PPP2R1B: variants seen among roughly 807,000 people sequenced by gnomAD.
The protein encoded by PPP2R1B is protein phosphatase 2 scaffold subunit Abeta.
In PPP2R1B, 58 loss-of-function variants were observed where a neutral mutation model predicts 72.7. The ratio of observed to expected loss-of-function variants is 0.80; its 90% CI spans 0.65 to 0.99. The LOEUF (loss-of-function observed/expected upper bound fraction) is 0.99, where lower values mean the gene tolerates loss of function less well. Ranked by LOEUF, PPP2R1B falls within the 50% of genes least tolerant of loss-of-function variation. The pLI is 0.00. For missense variants in PPP2R1B, 695 were observed against 733.6 expected (o/e 0.95, Z 0.61); for synonymous variants, 256 against 264.6 (o/e 0.97, Z 0.32).
chr11:111,707,652 T>C, the PPP2R1B span, among the ~76,000 whole-genome samples: 1 of 152,326 alleles, frequency 6.6e-6, no homozygotes, highest in South Asian at 2.1e-4. Flanking sequence ...TAGACTTCTG[T>C]TTTTATGGAT....
chr11:111,708,243 A>G, the PPP2R1B span, among the ~76,000 whole-genome samples: 1 of 152,082 alleles, frequency 6.6e-6, no homozygotes, highest in African/African-American at 2.4e-5. Context: ...TTAGCCGGTT[A>G]TGGTAGTGCG....
At chr11:111,742,180 T>G in intron 13 of PPP2R1B, 36 bp from the exon 14 acceptor site, 1 of 1,500,582 alleles carries the variant, frequency 6.7e-7, no homozygotes, top group Non-Finnish European at 9.3e-7. Flanking sequence ...AAAGACAGTC[T>G]AATGGGCCAT....
At chr11:111,715,795 T>G in the PPP2R1B span, among the ~76,000 whole-genome samples, 5 of 77,614 alleles carry the variant, frequency 6.4e-5, no homozygotes, top group Non-Finnish European at 1.5e-4. Context: ...ATTTTTAGCT[T>G]TTTTTTTTTT....
Position 111,741,625 on chromosome 11 carries a change from A to C in PPP2R1B, c.1790-13T>G. On this transcript the variant is annotated splice_polypyrimidine_tract_variant and intron_variant, in intron 14 of 14. Transcript: ENST00000527614. ...GCCAATGCAAGAACTGGAAAATTCC[A>C]AACAAAATCAGGTTAGTGGTACAGA... is the stretch of plus-strand genomic sequence containing the variant. 6.2e-7 allele frequency: 1 copy of C among 1,613,290 alleles called. No homozygotes were observed. Among genetic ancestry groups the C allele is most frequent in the Non-Finnish European group, 8.5e-7 (1 of 1,179,806 alleles).
intron 10 of PPP2R1B, 111 bp from the exon 11 acceptor site, chr11:111,748,125 TAAAC>T (rs1405063262): frequency 1.8e-5 from 15 of 844,762 alleles, no homozygotes; most frequent in East Asian, 5.2e-5. Context: ...TGTTTCCAAA[TAAAC>T]AAATAAGAGA....
At chr11:111,700,333 A>C in the PPP2R1B span, among the ~76,000 whole-genome samples, 1 of 152,210 alleles carries the variant, frequency 6.6e-6, no homozygotes, top group Non-Finnish European at 1.5e-5. Flanking sequence ...TTAATGAGCT[A>C]TTCAGATGGT....
In PPP2R1B at chr11:111,738,632, G is replaced by A. The variant is rs1043561754; in HGVS notation, c.*2964C>T. On this transcript the variant is annotated 3_prime_UTR_variant, in exon 15 of 15. Transcript: ENST00000527614. Reference sequence around the variant, plus strand: ...GGCTCTGCATCACAGTGGCTGAGCTGTGGTATTTCTGTGAGCTGAGGGCAG... The same window carrying A: ...GGCTCTGCATCACAGTGGCTGAGCTATGGTATTTCTGTGAGCTGAGGGCAG... 6.1e-6 allele frequency: 6 copies of A among 985,292 alleles called. 1 individual carries two copies. In the South Asian group the frequency reaches 1.9e-4, roughly 31 times the overall value. 61.0% of individuals were successfully genotyped at this position (985,292 alleles called of 1,614,324 possible).
At chr11:111,752,045 AC>A in intron 10 of PPP2R1B, 113 bp downstream of exon 10, 1 of 1,157,160 alleles carries the variant, frequency 8.6e-7, no homozygotes, top group Non-Finnish European at 1.2e-6. Flanking sequence ...ACAAGGCCAT[AC>A]TTTCATGCAT....
intron 1 of PPP2R1B, chr11:111,765,788 C>T (rs1302135923): frequency 4.2e-6 from 2 of 474,472 alleles, no homozygotes; most frequent in Admixed American, 2.3e-5. Flanking sequence ...ATCCCACCCC[C>T]GCTTTCTACC....
At position 111,743,505 on chromosome 11, in the gene PPP2R1B, G is replaced by C; in HGVS notation, c.1425C>G (p.Thr475=). ...TCTGAACTAGTTTCATGAGGTTGTT[G>C]GTGGCAGCTTCTCGGATGGCGTATA... ...DHVYAIREAA[T]NNLMKLVQKF... The change falls in exon 12 of 15, where the codon ACC becomes ACG. Residue 475 remains threonine, a synonymous_variant. Coordinates refer to ENST00000527614, the MANE Select transcript of PPP2R1B (RefSeq NM_002716.5). 1 of 1,613,494 alleles carries C rather than the reference G, an allele frequency of 6.2e-7. No individual in the cohort carries two copies. Among genetic ancestry groups the C allele is most frequent in the Non-Finnish European group, 8.5e-7 (1 of 1,179,844 alleles).
At chr11:111,703,436 GA>G in the PPP2R1B span, 3 of 1,611,856 alleles carry the variant, frequency 1.9e-6, no homozygotes, top group Non-Finnish European at 2.5e-6. Context: ...AAAGTGATCA[GA>G]GATTTCGGGG....
At chr11:111,704,569 GT>G in the PPP2R1B span, among the ~76,000 whole-genome samples, 1 of 152,186 alleles carries the variant, frequency 6.6e-6, no homozygotes, top group Non-Finnish European at 1.5e-5. Flanking sequence ...TCACTTCAGA[GT>G]TTTCAGTGGT....
At chr11:111,766,195 T>C (rs1373139842) in intron 1 of PPP2R1B, 53 bp downstream of exon 1, 1 of 1,584,276 alleles carries the variant, frequency 6.3e-7, no homozygotes. Context: ...TTCCCCCTTC[T>C]CTACCACGCG....
chr11:111,742,778 G>T, intron 12 of PPP2R1B, 113 bp from the exon 13 acceptor site: 1 of 1,035,810 alleles, frequency 9.7e-7, no homozygotes, highest in Non-Finnish European at 1.3e-6. Flanking sequence ...AATATTTCTA[G>T]TTTGAGCAGC....
the PPP2R1B span, among the ~76,000 whole-genome samples, chr11:111,688,690 C>T: frequency 6.6e-6 from 1 of 152,256 alleles, no homozygotes; most frequent in Admixed American, 6.5e-5. The surrounding 1 kb of genome is among the most constrained non-coding windows in gnomAD (Gnocchi z 4.2). Context: ...TGTTTTTCTC[C>T]TTGCCTTTTC....
At chr11:111,762,385 C>G (rs1945359206) in intron 3 of PPP2R1B, among the ~76,000 whole-genome samples, 1 of 152,126 alleles carries the variant, frequency 6.6e-6, no homozygotes, top group Non-Finnish European at 1.5e-5. Flanking sequence ...TGTCCCCTGC[C>G]TACTGTAACC....
chr11:111,704,897 CA>C, the PPP2R1B span: 16 of 1,415,182 alleles, frequency 1.1e-5, no homozygotes, highest in Admixed American at 2.8e-5. Flanking sequence ...TAAGAGCACA[CA>C]ATTTCTTTCC....
chr11:111,765,014 C>T lies in PPP2R1B; in HGVS notation c.206-109G>A. 3.4e-6 allele frequency: 5 copies of T among 1,490,524 alleles called. No homozygotes were observed. The South Asian group carries it at 6.5e-5, about 19-fold the overall frequency. 92.3% of individuals were successfully genotyped at this position (1,490,524 alleles called of 1,614,324 possible). A position where few individuals can be genotyped will look rare whatever the true frequency, so the allele number is the denominator to read the frequency against. ...TATGCGACCAGGAAGGTGACCCAGT[C>T]AAAATCCTAACAGCATTTTCTTTCT... On this transcript the variant is annotated intron_variant, in intron 2 of 14. Transcript: ENST00000527614.
At chr11:111,731,064 C>T (rs1290460198) in intron 15 of PPP2R1B, among the ~76,000 whole-genome samples, 1 of 152,228 alleles carries the variant, frequency 6.6e-6, no homozygotes, top group Non-Finnish European at 1.5e-5. Flanking sequence ...ACACGTTAGC[C>T]GCTGCAGATC....
Sources: allele counts gnomAD v4.1 joint callset (sites outside exome capture counted in the v4.1 genomes callset), GRCh38; gene constraint gnomAD v4.1.1; non-coding constraint Gnocchi (gnomAD v3.1); transcripts MANE v1.5; gene names NCBI Gene and HGNC (gene_info 2026-07-23, HGNC 2026-07-21).